EPHA5: variants seen among roughly 807,000 people sequenced by gnomAD.
The protein encoded by EPHA5 is EPH receptor A5.
A neutral mutation model predicts 105.0 loss-of-function variants in EPHA5; 60 were observed. That is an observed-to-expected ratio of 0.57 (90% CI 0.46 to 0.71). EPHA5 has a LOEUF of 0.71. EPHA5 is among the 30% of genes least tolerant of loss of function. The pLI, the probability that EPHA5 is intolerant of heterozygous loss-of-function variation, is 0.00. For synonymous variants in EPHA5, 513 were observed against 449.1 expected, an observed-to-expected ratio of 1.14 and a Z score of -1.80; for missense variants, 1,218 against 1,274.7, an observed-to-expected ratio of 0.96 and a Z score of 0.68.
At chr4:65,585,043 T>C (rs185728475) in intron 3 of EPHA5, among the ~76,000 whole-genome samples, 118 of 151,866 alleles carry the variant, frequency 7.8e-4, no homozygotes, top group Non-Finnish European at 1.2e-3. Flanking sequence ...CTCCAGTACT[T>C]ACCAACGTGT....
At chr4:65,521,080 G>T (rs1055929319) in intron 3 of EPHA5, among the ~76,000 whole-genome samples, 1 of 152,138 alleles carries the variant, frequency 6.6e-6, no homozygotes, top group Non-Finnish European at 1.5e-5. Context: ...GCACATGTAT[G>T]TTTATTGCGG....
At chr4:65,483,251 AG>A (rs1351211643) in intron 5 of EPHA5, among the ~76,000 whole-genome samples, 5 of 152,144 alleles carry the variant, frequency 3.3e-5, no homozygotes, top group African/African-American at 1.2e-4. Context: ...TTCTTAATCC[AG>A]TCTATCATTG....
At chr4:65,548,697 C>G (rs1737617054) in intron 3 of EPHA5, among the ~76,000 whole-genome samples, 1 of 152,064 alleles carries the variant, frequency 6.6e-6, no homozygotes, top group Non-Finnish European at 1.5e-5. Context: ...CATGAATATC[C>G]ATATAACACT....
At chr4:65,361,845 T>G (rs183976511) in intron 11 of EPHA5, among the ~76,000 whole-genome samples, 1 of 151,760 alleles carries the variant, frequency 6.6e-6, no homozygotes. Context: ...TGACTAATCC[T>G]AAGACTCAAT....
intron 8 of EPHA5, among the ~76,000 whole-genome samples, chr4:65,371,659 T>C (rs1241810046): frequency 1.3e-5 from 2 of 152,062 alleles, no homozygotes; most frequent in Admixed American, 6.6e-5. Flanking sequence ...ACACAAGCAG[T>C]ACTTTATAAA....
At chr4:65,536,828 AGT>A (rs1263103460) in intron 3 of EPHA5, among the ~76,000 whole-genome samples, 4 of 151,748 alleles carry the variant, frequency 2.6e-5, no homozygotes, top group African/African-American at 9.7e-5. Context: ...TTTAGATGTC[AGT>A]TTAATAGTGA....
Position 65,607,939 on chromosome 4 carries a change from C to T in EPHA5, c.247-5635G>A, listed in dbSNP as rs535451791. Among the ~76,000 whole-genome samples the T allele has an allele frequency of 7.9e-5, 12 of 152,222 alleles. No individual in the cohort carries two copies. The East Asian group carries it at 2.3e-3, about 29-fold the overall frequency. Reference sequence around the variant, plus strand: ...AAAGACATGGAAGCATCCCAAATGCCCATCAATGTTAGACTGGATAAAGAA... The same window carrying T: ...AAAGACATGGAAGCATCCCAAATGCTCATCAATGTTAGACTGGATAAAGAA... On this transcript the variant is annotated intron_variant, in intron 2 of 16. Transcript: ENST00000613740.
At chr4:65,417,022 A>AC (rs1169046582) in intron 6 of EPHA5, among the ~76,000 whole-genome samples, 1 of 152,242 alleles carries the variant, frequency 6.6e-6, no homozygotes, top group Non-Finnish European at 1.5e-5. Context: ...AATGAGCTAC[A>AC]TTCCCCAGCT....
intron 3 of EPHA5, among the ~76,000 whole-genome samples, chr4:65,521,119 C>G (rs942088483): frequency 6.6e-6 from 1 of 152,052 alleles, no homozygotes; most frequent in Non-Finnish European, 1.5e-5. Flanking sequence ...AGACTGGGAA[C>G]CAACCCAAAT....
chr4:65,390,459 T>C (rs949696824), intron 8 of EPHA5, among the ~76,000 whole-genome samples: 5 of 152,028 alleles, frequency 3.3e-5, no homozygotes, highest in East Asian at 1.9e-4. Context: ...CTGATGGCCC[T>C]GCATGACATG....
At chr4:65,576,093 GAAA>G (rs1297394874) in intron 3 of EPHA5, among the ~76,000 whole-genome samples, 1 of 76,974 alleles carries the variant, frequency 1.3e-5, no homozygotes. Context: ...GAAAAGAAAA[GAAA>G]AGAAAAGAAA....
chr4:65,374,875 A>G (rs1718837760), intron 8 of EPHA5, among the ~76,000 whole-genome samples: 1 of 151,924 alleles, frequency 6.6e-6, no homozygotes, highest in Non-Finnish European at 1.5e-5. Flanking sequence ...ATGATGAGAC[A>G]TGCAAAATTA....
At chr4:65,529,836 T>C (rs1411807923) in intron 3 of EPHA5, among the ~76,000 whole-genome samples, 1 of 152,132 alleles carries the variant, frequency 6.6e-6, no homozygotes, top group Non-Finnish European at 1.5e-5. Context: ...AATGATCCAT[T>C]CTTACAAAGT....
At chr4:65,394,992 G>A (rs976311502) in intron 8 of EPHA5, among the ~76,000 whole-genome samples, 6 of 152,094 alleles carry the variant, frequency 3.9e-5, no homozygotes, top group Non-Finnish European at 7.4e-5. Context: ...GTCAGAGCTC[G>A]TTGATGTGTC....
At chr4:65,541,303 C>T (rs1025304878) in intron 3 of EPHA5, among the ~76,000 whole-genome samples, 10 of 151,734 alleles carry the variant, frequency 6.6e-5, no homozygotes, top group African/African-American at 2.4e-4. Context: ...AAGACACAGA[C>T]TGGCAAATTG....
intron 10 of EPHA5, 112 bp from the exon 11 acceptor site, chr4:65,365,314 CA>C: frequency 1.2e-6 from 1 of 815,230 alleles, no homozygotes; most frequent in Non-Finnish European, 1.9e-6. Context: ...AACAAACAAA[CA>C]AACAAACAAA....
At chr4:65,337,008 G>T (rs1385328981) in intron 14 of EPHA5, among the ~76,000 whole-genome samples, 2 of 151,906 alleles carry the variant, frequency 1.3e-5, no homozygotes, top group African/African-American at 4.8e-5. Context: ...TTTTCACAAA[G>T]AATTCAGAAT....
chr4:65,578,830 A>G (rs1389310730), intron 3 of EPHA5, among the ~76,000 whole-genome samples: 1 of 152,142 alleles, frequency 6.6e-6, no homozygotes, highest in African/African-American at 2.4e-5. Flanking sequence ...AATGCTGACT[A>G]TAACTCAATC....
chr4:65,365,647 C>T, intron 10 of EPHA5, among the ~76,000 whole-genome samples: 1 of 49,552 alleles, frequency 2.0e-5, no homozygotes, highest in Non-Finnish European at 4.9e-5. Context: ...ATTACAAATT[C>T]ACTATATATA....
Sources: allele counts gnomAD v4.1 joint callset (sites outside exome capture counted in the v4.1 genomes callset), GRCh38; gene constraint gnomAD v4.1.1; transcripts MANE v1.5; gene names NCBI Gene and HGNC (gene_info 2026-07-23, HGNC 2026-07-21).